The following PCDHA9 variants were observed in gnomAD, a reference collection of about 807,000 sequenced individuals.
The protein encoded by PCDHA9 is protocadherin alpha 9.
In PCDHA9, 62 loss-of-function variants were observed where a neutral mutation model predicts 62.0. That is an observed-to-expected ratio of 1.00 (90% CI 0.81 to 1.23). PCDHA9 has a LOEUF of 1.23. PCDHA9 is among the 50% of genes most tolerant of loss of function. PCDHA9 has a pLI of 0.00. For synonymous variants in PCDHA9, 557 were observed against 567.6 expected (o/e 0.98, Z 0.27); for missense variants, 1,205 against 1,249.8 (o/e 0.96, Z 0.54).
rs201231291 is a variant in PCDHA9, at chr5:140,849,957, G to A, written c.1462G>A (p.Ala488Thr). The change falls in exon 1 of 4, where the codon GCC (alanine) becomes ACC (threonine). Residue 488 changes from alanine (A) to threonine (T), a missense_variant. Ala to Thr is a moderately conservative substitution (Grantham distance 58, BLOSUM62 0). Around this residue, in one of 3 missense-constraint regions of PCDHA9, gnomAD observed 887 missense variants for 809.5 expected, o/e 1.10. Transcript: ENST00000532602. ...GCGGGACGCTGACGCGCAGGAGAAC[G>A]CCCTGGTGTCCTACTCGCTGGTGGA... ...SARDADAQEN[A>T]LVSYSLVERR... is the part of the protein sequence containing the mutation. The A allele has an allele frequency of 3.1e-6, 5 of 1,597,800 alleles. 1 individual carries two copies. The highest frequency in any genetic ancestry group is 3.4e-6 in the Non-Finnish European group (4 of 1,167,908).
At chr5:140,927,753 C>T (rs1435866827) in intron 1 of PCDHA9, 3 of 1,614,078 alleles carry the variant, frequency 1.9e-6, no homozygotes, top group Non-Finnish European at 2.5e-6. Flanking sequence ...TTCACGTGCA[C>T]CCTAAAAGTG....
Position 140,870,665 on chromosome 5 carries a change from C to T in PCDHA9, c.2394+19776C>T, listed in dbSNP as rs782328974. ...AGCGGCAAGGTGTACGCGCTGCAGC[C>T]GTTGGACCACGAGGAGCTGGAGCTG... On this transcript the variant is annotated intron_variant, in intron 1 of 3. Coordinates refer to ENST00000532602, the MANE Select transcript of PCDHA9 (RefSeq NM_031857.2). 1.2e-5 allele frequency: 20 copies of T among 1,612,506 alleles called. No individual in the cohort carries two copies. The South Asian group carries it at 1.4e-4, about 12-fold the overall frequency.
chr5:140,927,299 T>C, intron 1 of PCDHA9: 4 of 1,614,086 alleles, frequency 2.5e-6, no homozygotes, highest in Middle Eastern at 1.6e-4. Context: ...ATCCCCGAGT[T>C]CCTGACGCCC....
intron 1 of PCDHA9, chr5:140,871,364 G>T (rs113722940): frequency 2.5e-6 from 4 of 1,614,102 alleles, no homozygotes; most frequent in Non-Finnish European, 3.4e-6. Context: ...CAGCAGAGGC[G>T]GCAGAGGGTG....
At position 140,849,443 on chromosome 5, in the gene PCDHA9, C is replaced by G. The variant is rs2150437584; in HGVS notation, c.948C>G (p.His316Gln). The change falls in exon 1 of 4, where the codon CAC becomes CAG. Residue 316 changes from histidine (H) to glutamine (Q), a missense_variant. By Grantham distance (24) the His-to-Gln change is conservative. This residue lies in a region of PCDHA9 where 110 missense variants were observed against 227.2 expected (regional missense o/e 0.48). Coordinates refer to ENST00000532602, the MANE Select transcript of PCDHA9 (RefSeq NM_031857.2). ...GHMDFEESRA[H>Q]KIPVEAVDKG... ...TGGATTTTGAAGAAAGTAGAGCACA[C>G]AAGATCCCAGTCGAGGCTGTCGATA... 1.9e-6 allele frequency: 3 copies of G among 1,584,788 alleles called. 1 individual carries two copies. The highest frequency in any genetic ancestry group is 8.6e-7 in the Non-Finnish European group (1 of 1,160,072).
chr5:140,877,558 A>T, intron 1 of PCDHA9: 1 of 1,613,746 alleles, frequency 6.2e-7, no homozygotes, highest in Non-Finnish European at 8.5e-7. Flanking sequence ...TCTGGTGGAT[A>T]TTAACGTGTA....
chr5:140,902,140 G>A (rs1156661388), intron 1 of PCDHA9, among the ~76,000 whole-genome samples: 2 of 151,048 alleles, frequency 1.3e-5, no homozygotes, highest in African/African-American at 4.9e-5. Context: ...CTGCAAACAA[G>A]GATAATTTGA....
At chr5:140,893,327 GT>G (rs2063928643) in intron 1 of PCDHA9, among the ~76,000 whole-genome samples, 1 of 152,164 alleles carries the variant, frequency 6.6e-6, no homozygotes, top group Non-Finnish European at 1.5e-5. Flanking sequence ...CTCCCATACT[GT>G]TTTCCTTAGT....
At chr5:140,949,691 T>C (rs2094413493) in intron 1 of PCDHA9, among the ~76,000 whole-genome samples, 1 of 151,872 alleles carries the variant, frequency 6.6e-6, no homozygotes, top group Non-Finnish European at 1.5e-5. Context: ...AAGCGTATTG[T>C]TGGATCTTGC....
chr5:140,887,880 G>A (rs2061617016), intron 1 of PCDHA9, among the ~76,000 whole-genome samples: 1 of 151,970 alleles, frequency 6.6e-6, no homozygotes, highest in African/African-American at 2.4e-5. Flanking sequence ...TCCTTTTGTA[G>A]TATCATATCT....
At chr5:140,995,416 T>G (rs2097682772) in intron 3 of PCDHA9, among the ~76,000 whole-genome samples, 1 of 152,228 alleles carries the variant, frequency 6.6e-6, no homozygotes, top group African/African-American at 2.4e-5. Context: ...TTCATCACAT[T>G]ACTCAGAACA....
intron 3 of PCDHA9, among the ~76,000 whole-genome samples, chr5:140,998,369 C>T (rs530777656): frequency 1.3e-5 from 2 of 152,210 alleles, no homozygotes; most frequent in South Asian, 2.1e-4. Context: ...CTGCACACAC[C>T]GTCTCTAGAA....
rs2150489407 is a variant in PCDHA9 at position 140,850,559 on chromosome 5, C to T, written c.2064C>T (p.Gly688=). The T allele has an allele frequency of 1.9e-6, 3 of 1,598,268 alleles. No homozygotes were observed. Among genetic ancestry groups the T allele is most frequent in the Non-Finnish European group, 2.6e-6 (3 of 1,167,814 alleles). Residue 688 remains glycine (G), a synonymous_variant, in exon 1 of 4, where the codon GGC becomes GGT. Coordinates refer to ENST00000532602, the MANE Select transcript of PCDHA9 (RefSeq NM_031857.2). ...CGCGGGCGTCAGTGGGTGCCACGGG[C>T]CCCGAGGTGACGCTGGTGGATGTCA... ...SSSRASVGAT[G]PEVTLVDVNV...
In PCDHA9 at chr5:140,852,074, T is replaced by A. The variant is rs988130151; in HGVS notation, c.2394+1185T>A. On this transcript the variant is annotated intron_variant, in intron 1 of 3. Coordinates refer to ENST00000532602, the MANE Select transcript of PCDHA9 (RefSeq NM_031857.2). The stretch of plus-strand genomic sequence containing the variant: ...TTTATATTTTTCTTTCTCTTTCAGC[T>A]ATTTTATTTAATATTGTGTCAGATA... The A allele has an allele frequency of 1.4e-4, 130 of 903,068 alleles. 3 individuals carry two copies. Among genetic ancestry groups the A allele is most frequent in the Non-Finnish European group, 1.7e-4 (126 of 741,050 alleles). 55.9% of individuals were successfully genotyped at this position (903,068 alleles called of 1,614,324 possible).
intron 1 of PCDHA9, chr5:140,860,137 A>C (rs941289854): frequency 1.3e-5 from 2 of 150,438 alleles, no homozygotes; most frequent in Non-Finnish European, 3.0e-5. Flanking sequence ...GTGTGTGTAT[A>C]TATATGTATA....
At chr5:141,002,449 C>G (rs2098081029) in intron 3 of PCDHA9, among the ~76,000 whole-genome samples, 1 of 152,192 alleles carries the variant, frequency 6.6e-6, no homozygotes, top group African/African-American at 2.4e-5. Flanking sequence ...ATAATTGGCA[C>G]ATTTGTATAA....
intron 1 of PCDHA9, chr5:140,929,043 C>T: frequency 6.2e-7 from 1 of 1,614,196 alleles, no homozygotes; most frequent in South Asian, 1.1e-5. Flanking sequence ...GCGCTCAGAG[C>T]TGCTGTCGCT....
intron 3 of PCDHA9, among the ~76,000 whole-genome samples, chr5:141,006,870 G>A (rs782345830): frequency 1.1e-4 from 16 of 152,174 alleles, no homozygotes; most frequent in Non-Finnish European, 1.5e-4. Flanking sequence ...GAATAGATTC[G>A]AGGAATCAAG....
At chr5:140,993,376 G>A (rs577656854) in intron 3 of PCDHA9, among the ~76,000 whole-genome samples, 6 of 151,752 alleles carry the variant, frequency 4.0e-5, no homozygotes, top group Non-Finnish European at 7.4e-5. Context: ...CCTCCCAGCC[G>A]GGTCCCTGAA....
Sources: allele counts gnomAD v4.1 joint callset (sites outside exome capture counted in the v4.1 genomes callset), GRCh38; gene constraint gnomAD v4.1.1; regional missense constraint gnomAD v4.1.1; transcripts MANE v1.5; gene names NCBI Gene and HGNC (gene_info 2026-07-23, HGNC 2026-07-21).